The following NF2 variants were observed in gnomAD, a reference collection of about 807,000 sequenced individuals.
The protein encoded by NF2 is NF2, moesin-ezrin-radixin like (MERLIN) tumor suppressor.
A neutral mutation model predicts 83.7 loss-of-function variants in NF2; 8 were observed. The ratio of observed to expected loss-of-function variants is 0.10; its 90% CI spans 0.06 to 0.17. The LOEUF (loss-of-function observed/expected upper bound fraction) is 0.17. Ranked by LOEUF, NF2 falls within the 10% of genes least tolerant of loss-of-function variation. The pLI is 1.00. For synonymous variants in NF2, 266 were observed against 269.6 expected (o/e 0.99, Z 0.13); for missense variants, 533 against 744.4 (o/e 0.72, Z 3.31).
At chr22:29,687,074 G>A (rs1383747219) in intron 15 of NF2, among the ~76,000 whole-genome samples, 3 of 152,166 alleles carry the variant, frequency 2.0e-5, no homozygotes, top group Non-Finnish European at 4.4e-5. Context: ...TATACATTCA[G>A]GGTCTTTCTT....
At chr22:29,614,553 G>A (rs1465155460) in intron 1 of NF2, among the ~76,000 whole-genome samples, 9 of 148,758 alleles carry the variant, frequency 6.1e-5, no homozygotes, top group Non-Finnish European at 1.3e-4. Flanking sequence ...CTGCACTCCG[G>A]CCTGGGCGAC....
chr22:29,617,721 T>C (rs1477133239), intron 1 of NF2, among the ~76,000 whole-genome samples: 1 of 152,186 alleles, frequency 6.6e-6, no homozygotes, highest in Non-Finnish European at 1.5e-5. Flanking sequence ...AAATGTAGGT[T>C]CTGATTCAGT....
chr22:29,646,156 G>A (rs1398050494), intron 4 of NF2, among the ~76,000 whole-genome samples: 1 of 152,212 alleles, frequency 6.6e-6, no homozygotes, highest in Non-Finnish European at 1.5e-5. Flanking sequence ...CAAGGCTTGA[G>A]AGTATTATGC....
intron 11 of NF2, among the ~76,000 whole-genome samples, chr22:29,672,321 T>TG: frequency 6.6e-6 from 1 of 150,876 alleles, no homozygotes; most frequent in East Asian, 1.9e-4. Flanking sequence ...TTTTTTTTTT[T>TG]TTTTTTTTGA....
At chr22:29,655,189 C>T (rs1048354101) in intron 5 of NF2, among the ~76,000 whole-genome samples, 11 of 152,224 alleles carry the variant, frequency 7.2e-5, no homozygotes, top group African/African-American at 2.7e-4. Context: ...ACAGCCCTCA[C>T]TCATCTGTCA....
intron 4 of NF2, among the ~76,000 whole-genome samples, chr22:29,653,097 T>C (rs552501387): frequency 6.6e-6 from 1 of 152,236 alleles, no homozygotes; most frequent in East Asian, 1.9e-4. Flanking sequence ...TTTTTTTAAA[T>C]GAAGAAATGC....
intron 1 of NF2, among the ~76,000 whole-genome samples, chr22:29,629,194 C>T (rs1179246481): frequency 6.6e-6 from 1 of 152,132 alleles, no homozygotes. Context: ...GCGGTTTAAT[C>T]ATGAGACACA....
At chr22:29,665,771 G>A (rs950993477) in intron 9 of NF2, among the ~76,000 whole-genome samples, 230 of 148,048 alleles carry the variant, frequency 1.6e-3, no homozygotes, top group African/African-American at 4.0e-3. Flanking sequence ...AAAAAAAAAA[G>A]AAAAAGAAAA....
intron 15 of NF2, chr22:29,683,192 G>A (rs368790527): frequency 6.2e-7 from 1 of 1,608,476 alleles, no homozygotes; most frequent in East Asian, 2.2e-5. Context: ...TGGTGCCTGG[G>A]TACTGGCCGC....
chr22:29,644,012 C>CG (rs1251094012), intron 4 of NF2, among the ~76,000 whole-genome samples: 4 of 104,188 alleles, frequency 3.8e-5, no homozygotes, highest in Non-Finnish European at 8.2e-5. Flanking sequence ...CTGGCCTGGC[C>CG]GGGGGGCTGA....
intron 14 of NF2, 28 bp downstream of exon 14, chr22:29,678,351 G>A (rs1219317207): frequency 6.2e-7 from 1 of 1,611,576 alleles, no homozygotes; most frequent in East Asian, 2.2e-5. Flanking sequence ...CCCTGCTGTG[G>A]GCAGCTGTGA....
intron 1 of NF2, among the ~76,000 whole-genome samples, chr22:29,614,808 G>A (rs1224854406): frequency 6.6e-6 from 1 of 152,068 alleles, no homozygotes; most frequent in East Asian, 1.9e-4. Flanking sequence ...AGCACTTTAG[G>A]ATGTTGAGGT....
Position 29,636,643 on chromosome 22 carries a change from C to G in NF2, c.115-108C>G. 7.1e-7 allele frequency: 1 copy of G among 1,415,250 alleles called. No individual in the cohort carries two copies. Among genetic ancestry groups the G allele is most frequent in the Non-Finnish European group, 1.0e-6 (1 of 1,000,492 alleles). The allele number at this position is 1,415,250 out of a possible 1,614,324, so 87.7% of individuals were successfully genotyped here. A position where few individuals can be genotyped will look rare whatever the true frequency, so the allele number is the denominator to read the frequency against. On this transcript the variant is annotated intron_variant, in intron 1 of 15. Coordinates refer to ENST00000338641, the MANE Select transcript of NF2 (RefSeq NM_000268.4). The surrounding 1 kb of genome is among the most constrained non-coding windows in gnomAD (Gnocchi z 4.4). ...TAGGAATTCAGTCCTCATCAGCTGTCTTAGTGTCATCCCCACGTTTTGGAA... is the reference window on the plus strand; with the variant it reads ...TAGGAATTCAGTCCTCATCAGCTGTGTTAGTGTCATCCCCACGTTTTGGAA...
chr22:29,628,270 A>G (rs2146805723), intron 1 of NF2, among the ~76,000 whole-genome samples: 1 of 151,852 alleles, frequency 6.6e-6, no homozygotes, highest in Admixed American at 6.6e-5. Context: ...CTCATTTTTC[A>G]ATATGTGTAA....
chr22:29,659,808 T>G (rs970829977), intron 7 of NF2, among the ~76,000 whole-genome samples: 1 of 152,178 alleles, frequency 6.6e-6, no homozygotes, highest in Admixed American at 6.5e-5. Flanking sequence ...TTTTCCAAAA[T>G]GTACTGCAGA....
intron 4 of NF2, among the ~76,000 whole-genome samples, chr22:29,646,621 A>C (rs2065988402): frequency 6.6e-6 from 1 of 152,246 alleles, no homozygotes; most frequent in Admixed American, 6.5e-5. Flanking sequence ...ACAGTATTTC[A>C]GCTGTTGGAA....
intron 3 of NF2, among the ~76,000 whole-genome samples, chr22:29,641,881 G>T: frequency 6.6e-6 from 1 of 152,166 alleles, no homozygotes; most frequent in East Asian, 1.9e-4. Flanking sequence ...CCCCAGAGCT[G>T]CTCTTGACAC....
chr22:29,635,825 G>A (rs973452065), intron 1 of NF2, among the ~76,000 whole-genome samples: 7 of 151,998 alleles, frequency 4.6e-5, no homozygotes, highest in Non-Finnish European at 8.8e-5. Flanking sequence ...TAATGCACTC[G>A]AGTTTGTATT....
Position 29,695,312 on chromosome 22 carries a change from TCATC to T in NF2, c.*511_*514del. On this transcript the variant is annotated 3_prime_UTR_variant, in exon 16 of 16. Coordinates refer to ENST00000338641, the MANE Select transcript of NF2 (RefSeq NM_000268.4). This position sits in a 1 kb window ranked among gnomAD's most constrained non-coding sequence, Gnocchi z 5.4. ...CCAGGCCAGCACGCCTGCCGGCTTC[TCATC>T]GTCAGGGAGCCCGCCCAGAGCTCGT... is the stretch of plus-strand genomic sequence containing the variant. 1 of 273,028 alleles carries T rather than the reference TCATC, an allele frequency of 3.7e-6. No individual in the cohort carries two copies. Among genetic ancestry groups the T allele is most frequent in the Non-Finnish European group, 7.1e-6 (1 of 140,726 alleles). The allele number at this position is 273,028 out of a possible 1,614,324, so 16.9% of individuals were successfully genotyped here. A position where few individuals can be genotyped will look rare whatever the true frequency, so the allele number is the denominator to read the frequency against.
Sources: gnomAD v4.1 joint callset for allele counts (sites outside exome capture counted in the v4.1 genomes callset) on GRCh38, gnomAD v4.1.1 for gene constraint, Gnocchi (gnomAD v3.1) non-coding constraint, MANE v1.5 for transcripts, NCBI Gene and HGNC (gene_info 2026-07-23, HGNC 2026-07-21) for gene names.